Variants in ZNF609 observed in about 807,000 individuals in gnomAD.
ZNF609 encodes the protein zinc finger protein 609.
A neutral mutation model predicts 109.5 loss-of-function variants in ZNF609; 11 were observed. The ratio of observed to expected loss-of-function variants is 0.10; its 90% CI spans 0.06 to 0.17. The LOEUF is 0.17. Among genes scored for constraint, ZNF609 ranks in the 10% least tolerant of loss-of-function variants. ZNF609 has a pLI of 1.00. For synonymous variants in ZNF609, 646 were observed against 662.0 expected (o/e 0.98, Z 0.37); for missense variants, 1,559 against 1,772.4 (o/e 0.88, Z 2.16).
At chr15:64,602,716 C>CTTTTTTTTTTTTT (rs10600561) in intron 2 of ZNF609, among the ~76,000 whole-genome samples, 3 of 55,572 alleles carry the variant, frequency 5.4e-5, no homozygotes, top group Admixed American at 3.2e-4. Context: ...TTTTTTCTTT[C>CTTTTTTTTTTTTT]TTTTTTTTTT....
chr15:64,512,274 A>G (rs1203348100), intron 2 of ZNF609, among the ~76,000 whole-genome samples: 1 of 152,198 alleles, frequency 6.6e-6, no homozygotes, highest in African/African-American at 2.4e-5. Flanking sequence ...TTATTGTTCC[A>G]GAATTTTTAA....
intron 2 of ZNF609, among the ~76,000 whole-genome samples, chr15:64,505,434 T>C (rs2140354270): frequency 6.6e-6 from 1 of 152,354 alleles, no homozygotes; most frequent in Non-Finnish European, 1.5e-5. Context: ...GAAGATATAC[T>C]GTTGGCTAAT....
At chr15:64,473,023 TG>T (rs1893112214) in intron 1 of ZNF609, among the ~76,000 whole-genome samples, 1 of 152,030 alleles carries the variant, frequency 6.6e-6, no homozygotes, top group Non-Finnish European at 1.5e-5. Context: ...GTAAAGCTTA[TG>T]ACATATATAT....
intron 2 of ZNF609, among the ~76,000 whole-genome samples, chr15:64,606,035 G>A (rs1198511293): frequency 6.7e-6 from 1 of 149,484 alleles, no homozygotes; most frequent in East Asian, 2.0e-4. Context: ...GATTACAGGT[G>A]TGAGCCACCG....
chr15:64,676,819 T>TC (rs1896816765), intron 5 of ZNF609, among the ~76,000 whole-genome samples: 1 of 151,634 alleles, frequency 6.6e-6, no homozygotes, highest in South Asian at 2.1e-4. Context: ...ACTGGCGCAA[T>TC]CTCAGCTCAC....
intron 2 of ZNF609, among the ~76,000 whole-genome samples, chr15:64,596,451 A>G (rs1452730871): frequency 6.6e-6 from 1 of 152,058 alleles, no homozygotes; most frequent in African/African-American, 2.4e-5. Context: ...ACCGTGCTCT[A>G]TGCCAAGCTC....
intron 2 of ZNF609, among the ~76,000 whole-genome samples, chr15:64,525,334 T>C (rs1893954674): frequency 6.6e-6 from 1 of 152,208 alleles, no homozygotes; most frequent in Admixed American, 6.5e-5. Flanking sequence ...TTGAAAAGAC[T>C]ATTCTTACCC....
chr15:64,578,770 G>T (rs561683592), intron 2 of ZNF609, among the ~76,000 whole-genome samples: 4 of 152,176 alleles, frequency 2.6e-5, no homozygotes, highest in South Asian at 2.1e-4. Flanking sequence ...AGGCCAAGGC[G>T]CATGGATTGC....
intron 3 of ZNF609, among the ~76,000 whole-genome samples, chr15:64,646,814 C>CG: frequency 1.3e-5 from 2 of 150,920 alleles, no homozygotes; most frequent in South Asian, 4.2e-4. Flanking sequence ...GTGGCGCATG[C>CG]CTGTAGTACC....
At chr15:64,463,292 G>A (rs764072420) in intron 1 of ZNF609, among the ~76,000 whole-genome samples, 1 of 152,082 alleles carries the variant, frequency 6.6e-6, no homozygotes, top group African/African-American at 2.4e-5. Context: ...CAGCTTCTTG[G>A]GAGGCTGAGG....
chr15:64,488,660 GCTT>G (rs1893365360), intron 1 of ZNF609, among the ~76,000 whole-genome samples: 1 of 152,136 alleles, frequency 6.6e-6, no homozygotes, highest in African/African-American at 2.4e-5. Flanking sequence ...TTACTCTAGG[GCTT>G]CTTGTAGAAT....
At chr15:64,641,107 G>A (rs2080368706) in intron 3 of ZNF609, among the ~76,000 whole-genome samples, 1 of 151,946 alleles carries the variant, frequency 6.6e-6, no homozygotes, top group South Asian at 2.1e-4. Flanking sequence ...GCTTAATAAT[G>A]GTTTCAGCTG....
intron 2 of ZNF609, chr15:64,500,587 T>C (rs559207744): frequency 1.8e-5 from 11 of 599,442 alleles, no homozygotes; most frequent in Admixed American, 1.5e-4. Context: ...ATAATGTAGA[T>C]TGAGTACGGT....
chr15:64,535,945 T>C (rs1200095271), intron 2 of ZNF609, among the ~76,000 whole-genome samples: 1 of 152,184 alleles, frequency 6.6e-6, no homozygotes, highest in Non-Finnish European at 1.5e-5. Context: ...TGGATGTCTT[T>C]TGCCCACTTT....
intron 1 of ZNF609, among the ~76,000 whole-genome samples, chr15:64,487,425 G>A (rs978436969): frequency 5.3e-5 from 8 of 152,170 alleles, no homozygotes; most frequent in Non-Finnish European, 7.4e-5. Context: ...GTAAGTGCAC[G>A]AATCTTGTGC....
intron 2 of ZNF609, among the ~76,000 whole-genome samples, chr15:64,580,752 C>T (rs1176938860): frequency 1.3e-5 from 2 of 151,554 alleles, no homozygotes; most frequent in Non-Finnish European, 2.9e-5. Flanking sequence ...AGGCTGGTCT[C>T]GAACTCCTGA....
intron 2 of ZNF609, among the ~76,000 whole-genome samples, chr15:64,611,794 C>T (rs950937663): frequency 2.7e-5 from 4 of 150,744 alleles, no homozygotes; most frequent in South Asian, 2.1e-4. Context: ...AGTGCAGTGG[C>T]GCAATCTTGG....
At chr15:64,532,179 A>T (rs72741397) in intron 2 of ZNF609, among the ~76,000 whole-genome samples, 23 of 151,618 alleles carry the variant, frequency 1.5e-4, no homozygotes, top group South Asian at 4.2e-4. Flanking sequence ...AGCATGGCCA[A>T]CTCCCTCATC....
chr15:64,477,832 T>A (rs1893194972), intron 1 of ZNF609, among the ~76,000 whole-genome samples: 1 of 152,100 alleles, frequency 6.6e-6, no homozygotes, highest in African/African-American at 2.4e-5. Flanking sequence ...TTTTACCATG[T>A]TGGCCAGGCT....
Sources: gnomAD v4.1 joint callset for allele counts (sites outside exome capture counted in the v4.1 genomes callset) on GRCh38, gnomAD v4.1.1 for gene constraint, MANE v1.5 for transcripts, NCBI Gene and HGNC (gene_info 2026-07-23, HGNC 2026-07-21) for gene names.